The following SMC4 variants were observed in gnomAD, a reference collection of about 807,000 sequenced individuals.
SMC4 encodes the protein structural maintenance of chromosomes 4, also known as structural maintenance of chromosomes protein 4.
Under a neutral mutation model 145.6 loss-of-function variants are expected in SMC4, and 87 were observed. The observed-to-expected ratio is 0.60, with a 90% confidence interval of 0.50 to 0.71. SMC4 has a LOEUF of 0.71. Among genes scored for constraint, SMC4 ranks in the 30% least tolerant of loss-of-function variants. The pLI, the probability that SMC4 is intolerant of heterozygous loss-of-function variation, is 0.00. For missense variants in SMC4, 1,447 were observed against 1,537.1 expected, an observed-to-expected ratio of 0.94 and a Z score of 0.98; for synonymous variants, 558 against 500.7, an observed-to-expected ratio of 1.11 and a Z score of -1.53.
At chr3:160,412,816 G>A (rs1026516055) in intron 7 of SMC4, 2 of 984,442 alleles carry the variant, frequency 2.0e-6, no homozygotes, top group African/African-American at 3.5e-5. Flanking sequence ...ATTCATTGAA[G>A]TTGACTTTTT....
rs923250260 is a variant in SMC4 at position 160,404,513 on chromosome 3, A to G, written c.687+9A>G. On this transcript the variant is annotated intron_variant, in intron 5 of 23. Transcript: ENST00000357388. ...GATTTTTAATTTTACAGGTAAGTTT[A>G]TTAAAGACTTCAAAGATTCTCTTAT... 1 of 1,603,208 alleles carries G rather than the reference A, an allele frequency of 6.2e-7. No homozygotes were observed. The highest frequency in any genetic ancestry group is 1.3e-5 in the African/African-American group (1 of 74,088).
chr3:160,401,317 A>G (rs531310651), intron 2 of SMC4, among the ~76,000 whole-genome samples: 1 of 152,222 alleles, frequency 6.6e-6, no homozygotes, highest in East Asian at 1.9e-4. Flanking sequence ...TTTCCCAGAG[A>G]CAATCAATAT....
At chr3:160,421,802 T>C (rs981652940) in intron 13 of SMC4, among the ~76,000 whole-genome samples, 4 of 152,156 alleles carry the variant, frequency 2.6e-5, no homozygotes, top group African/African-American at 9.7e-5. Flanking sequence ...ATATTCACAG[T>C]GTTGTTCACC....
intron 21 of SMC4, among the ~76,000 whole-genome samples, 197 bp from the exon 22 acceptor site, chr3:160,432,086 C>T (rs1006148733): frequency 1.3e-5 from 2 of 152,168 alleles, no homozygotes; most frequent in Non-Finnish European, 2.9e-5. Context: ...CCTGTAATCC[C>T]GGGTACTCGG....
At chr3:160,433,524 T>G in intron 23 of SMC4, 133 bp from the exon 24 acceptor site, 1 of 604,162 alleles carries the variant, frequency 1.7e-6, no homozygotes, top group South Asian at 2.5e-5. Flanking sequence ...TACTGTTTTA[T>G]GAATTATTCC....
intron 12 of SMC4, among the ~76,000 whole-genome samples, 163 bp downstream of exon 12, chr3:160,419,706 G>A (rs1410044180): frequency 1.3e-5 from 2 of 151,902 alleles, no homozygotes; most frequent in Admixed American, 6.6e-5. Context: ...TGCCCTTACA[G>A]TTTCTTGTTT....
intron 5 of SMC4, among the ~76,000 whole-genome samples, chr3:160,409,243 G>C (rs1715692947): frequency 7.6e-6 from 1 of 131,926 alleles, no homozygotes; most frequent in South Asian, 2.4e-4. Context: ...TCCAGCCTGG[G>C]CGACAGAGCG....
chr3:160,401,309 T>TC (rs1714616447), intron 2 of SMC4, among the ~76,000 whole-genome samples: 2 of 152,126 alleles, frequency 1.3e-5, no homozygotes, highest in African/African-American at 2.4e-5. Context: ...TGGACTTTTT[T>TC]CCCAGAGACA....
intron 17 of SMC4, among the ~76,000 whole-genome samples, chr3:160,427,210 A>G (rs1717885774): frequency 6.6e-6 from 1 of 152,228 alleles, no homozygotes; most frequent in Admixed American, 6.5e-5. Flanking sequence ...AGTAAACAAA[A>G]ATAAAGTCTC....
At chr3:160,421,240 T>C (rs1411575129) in intron 13 of SMC4, among the ~76,000 whole-genome samples, 1 of 151,974 alleles carries the variant, frequency 6.6e-6, no homozygotes, top group Non-Finnish European at 1.5e-5. Context: ...TATAATTGAA[T>C]TTTTAAGTGC....
chr3:160,433,765 G>A lies in SMC4; in HGVS notation c.3823G>A (p.Val1275Ile), dbSNP rs1298632561. 3 of 1,602,706 alleles carry A rather than the reference G, an allele frequency of 1.9e-6. No homozygotes were observed. Among genetic ancestry groups the A allele is most frequent in the Non-Finnish European group, 2.6e-6 (3 of 1,175,870 alleles). ...IYKTYNITKSVAVNPKEIASK... is the reference protein window; with the variant it reads ...IYKTYNITKSIAVNPKEIASK... ...CAAGACATACAACATAACAAAAAGT[G>A]TTGCTGTAAATCCAAAAGAAATTGC... The change falls in exon 24 of 24, where the codon GTT becomes ATT. Residue 1275 changes from valine to isoleucine, a missense_variant. Physicochemically the swap from Val to Ile is conservative, Grantham distance 29 (BLOSUM62 3). Coordinates refer to ENST00000357388, the MANE Select transcript of SMC4 (RefSeq NM_001002800.3).
intron 5 of SMC4, chr3:160,404,744 T>C (rs1252295328): frequency 1.5e-6 from 1 of 653,540 alleles, no homozygotes; most frequent in Admixed American, 1.8e-5. Context: ...CTGACATACT[T>C]GTTCCACTCT....
At chr3:160,403,305 A>G (rs1255179903) in intron 4 of SMC4, among the ~76,000 whole-genome samples, 1 of 152,164 alleles carries the variant, frequency 6.6e-6, no homozygotes, top group Non-Finnish European at 1.5e-5. Flanking sequence ...TGTGATATGA[A>G]AGAGCTTTGC....
chr3:160,412,637 G>A, intron 7 of SMC4, 184 bp downstream of exon 7: 2 of 1,164,146 alleles, frequency 1.7e-6, no homozygotes, highest in South Asian at 4.1e-5. Context: ...TAAGGCAGGA[G>A]GATCACTTGA....
At chr3:160,420,541 A>C in intron 12 of SMC4, 199 bp from the exon 13 acceptor site, 1 of 469,326 alleles carries the variant, frequency 2.1e-6, no homozygotes, top group Non-Finnish European at 3.7e-6. Flanking sequence ...CAGTTCTTTC[A>C]TTTTGTGCTC....
At chr3:160,428,999 A>G in intron 18 of SMC4, 57 bp downstream of exon 18, 1 of 1,364,296 alleles carries the variant, frequency 7.3e-7, no homozygotes. Flanking sequence ...CACATTGGAA[A>G]GGGGGTTACT....
intron 5 of SMC4, among the ~76,000 whole-genome samples, chr3:160,406,836 C>G (rs1033917950): frequency 4.6e-5 from 7 of 152,146 alleles, no homozygotes; most frequent in Non-Finnish European, 8.8e-5. Context: ...TATTAAGGCA[C>G]TATGCTAAAA....
intron 11 of SMC4, 111 bp from the exon 12 acceptor site, chr3:160,419,247 T>C (rs1469732513): frequency 1.1e-5 from 8 of 729,452 alleles, no homozygotes; most frequent in African/African-American, 3.7e-5. Context: ...AAATTTTTAT[T>C]GTTGGTCTTT....
At chr3:160,416,221 A>T (rs754074895) in intron 9 of SMC4, 30 bp from the exon 10 acceptor site, 17 of 1,495,216 alleles carry the variant, frequency 1.1e-5, no homozygotes, top group Admixed American at 2.1e-5. Context: ...ATAAAGATGT[A>T]TGCTCCTATA....
Sources: allele counts gnomAD v4.1 joint callset (sites outside exome capture counted in the v4.1 genomes callset), GRCh38; gene constraint gnomAD v4.1.1; transcripts MANE v1.5; gene names NCBI Gene and HGNC (gene_info 2026-07-23, HGNC 2026-07-21).